EIF3E: variants seen among roughly 807,000 people sequenced by gnomAD.
EIF3E encodes the protein eIF-3 p48.
EIF3E carries 25 observed loss-of-function variants against 59.3 expected under a neutral mutation model. The observed-to-expected ratio is 0.42, with a 90% CI of 0.31 to 0.59. The LOEUF (loss-of-function observed/expected upper bound fraction) is 0.59, where lower values mean the gene tolerates loss of function less well. EIF3E is among the 20% of genes least tolerant of loss of function. The pLI, the probability that EIF3E is intolerant of heterozygous loss-of-function variation, is 0.15. For missense variants in EIF3E, 317 were observed against 534.3 expected, an observed-to-expected ratio of 0.59 and a Z score of 4.01; for synonymous variants, 176 against 170.2, an observed-to-expected ratio of 1.03 and a Z score of -0.26.
At position 108,246,727 on chromosome 8, in the gene EIF3E, ACTC is replaced by A. The variant is rs528738549; in HGVS notation, c.90+1883_90+1885del. 2.6e-5 allele frequency among the ~76,000 whole-genome samples: 4 copies of A among 151,198 alleles called. No homozygotes were observed. In the East Asian group the frequency reaches 7.8e-4, roughly 30 times the overall value. ...AACAGCAAGACCAACCCCTCCTTTT[ACTC>A]CTCCTCCTCAGCCTACTCAATATGA... is the stretch of plus-strand genomic sequence containing the variant. On this transcript the variant is annotated intron_variant, in intron 1 of 12. Transcript: ENST00000220849.
chr8:108,241,295 G>A (rs10108923), intron 2 of EIF3E, among the ~76,000 whole-genome samples: 7,273 of 152,066 alleles, frequency 0.048, 328 homozygotes, highest in African/African-American at 0.12. Flanking sequence ...AAACTTAAGA[G>A]GACCACTTAA....
In EIF3E at chr8:108,217,454, A is replaced by T. The variant is rs1231540208; in HGVS notation, c.729T>A (p.Leu243=). 1 of 1,590,494 alleles carries T rather than the reference A, an allele frequency of 6.3e-7. No homozygotes were observed. The highest frequency in any genetic ancestry group is 1.8e-5 in the Admixed American group (1 of 56,840). The change falls in exon 8 of 13, where the codon CTT becomes CTA. Residue 243 remains leucine (L), a synonymous_variant. Coordinates refer to ENST00000220849, the MANE Select transcript of EIF3E (RefSeq NM_001568.3). ...IDLFLYQPQY[L]NAIQTMCPHI... ...GTGGACACATTGTCTGAATTGCATT[A>T]AGATATCTAAGAAAAAATATAAAAG...
chr8:108,240,160 G>A (rs1390853985), intron 2 of EIF3E, 85 bp from the exon 3 acceptor site: 4 of 1,104,918 alleles, frequency 3.6e-6, no homozygotes, highest in Non-Finnish European at 4.2e-6. Context: ...AAATTTTTCA[G>A]TGTATTTAAA....
At chr8:108,205,417 C>G (rs1343321188) in intron 10 of EIF3E, among the ~76,000 whole-genome samples, 2 of 152,170 alleles carry the variant, frequency 1.3e-5, no homozygotes, top group Admixed American at 1.3e-4. Context: ...AGTTTTCTAA[C>G]TACTTTACCT....
intron 7 of EIF3E, among the ~76,000 whole-genome samples, chr8:108,220,671 T>C (rs1375043690): frequency 6.6e-6 from 1 of 152,168 alleles, no homozygotes; most frequent in Non-Finnish European, 1.5e-5. Flanking sequence ...TGATAACGGG[T>C]TGGGGGCACT....
chr8:108,236,152 AAC>A lies in EIF3E; in HGVS notation c.366+7_366+8del, dbSNP rs768635535. ...CATGACAACTTTAAAATATTTTTAA[AAC>A]ACTTACACCATGCTTGTCCGCCAGG... On this transcript the variant is annotated splice_region_variant and intron_variant, in intron 4 of 12. Transcript: ENST00000220849. 1.9e-6 allele frequency: 3 copies of A among 1,603,744 alleles called. No individual in the cohort carries two copies. The Admixed American group carries it at 5.1e-5, about 27-fold the overall frequency.
Position 108,240,029 on chromosome 8 carries a change from A to G in EIF3E, c.252T>C (p.Leu84=), listed in dbSNP as rs1253258749. ...TCACAATTGGTTCTGTTTCTGCCTG[A>G]AGCTGTTTCAGTTGTGCAACCACTG... ...RTTVVAQLKQ[L]QAETEPIVKM... The change falls in exon 3 of 13, where the codon CTT becomes CTC. Residue 84 remains leucine (L), a synonymous_variant. Transcript: ENST00000220849. The G allele has an allele frequency of 1.7e-5, 28 of 1,614,078 alleles. No homozygotes were observed. The highest frequency in any genetic ancestry group is 2.4e-5 in the Non-Finnish European group (28 of 1,179,998).
At chr8:108,207,955 T>C (rs1399988872) in intron 10 of EIF3E, among the ~76,000 whole-genome samples, 1 of 152,046 alleles carries the variant, frequency 6.6e-6, no homozygotes, top group East Asian at 1.9e-4. Flanking sequence ...TTTAGGGAAA[T>C]ATTTTTTTGT....
Position 108,247,359 on chromosome 8 carries a change from T to G in EIF3E, c.90+1254A>C, listed in dbSNP as rs544167738. On this transcript the variant is annotated intron_variant, in intron 1 of 12. Coordinates refer to ENST00000220849, the MANE Select transcript of EIF3E (RefSeq NM_001568.3). ...TTTTACTAGATCTTTTGTCCTCACT[T>G]TTCCAGAAAAGAAAACAATGCAGAT... Among the ~76,000 whole-genome samples the G allele has an allele frequency of 2.6e-5, 4 of 152,306 alleles. No homozygotes were observed. The South Asian group carries it at 8.3e-4, about 32-fold the overall frequency.
At chr8:108,241,774 T>C (rs667742) in intron 2 of EIF3E, 25 bp downstream of exon 2, 805,240 of 1,406,408 alleles carry the variant, frequency 0.57, 231,830 homozygotes, top group African/African-American at 0.6. Context: ...ACAAGACAAG[T>C]TTCAGTTCTA....
chr8:108,214,771 C>T (rs1351943506), intron 9 of EIF3E, 55 bp from the exon 10 acceptor site: 13 of 1,451,974 alleles, frequency 9.0e-6, no homozygotes, highest in South Asian at 4.9e-5. Flanking sequence ...TTGCCTGAAA[C>T]GTGAATCAAA....
chr8:108,212,203 G>A (rs770133675), intron 10 of EIF3E, among the ~76,000 whole-genome samples: 18 of 152,144 alleles, frequency 1.2e-4, no homozygotes, highest in Non-Finnish European at 2.5e-4. Flanking sequence ...AGATAGGCAC[G>A]GTGAATGGGC....
chr8:108,236,043 T>A (rs886125133), intron 4 of EIF3E, 118 bp downstream of exon 4: 8 of 760,234 alleles, frequency 1.1e-5, no homozygotes, highest in African/African-American at 9.2e-5. Context: ...ATTTTATAAT[T>A]AATAAATTAA....
chr8:108,210,944 G>A (rs1382340173), intron 10 of EIF3E, among the ~76,000 whole-genome samples: 3 of 152,188 alleles, frequency 2.0e-5, no homozygotes, highest in African/African-American at 7.2e-5. Context: ...TTTTATGGCT[G>A]CATAGTATTC....
At position 108,235,023 on chromosome 8, in the gene EIF3E, T is replaced by G. The variant is rs1402988333; in HGVS notation, c.446A>C (p.Glu149Ala). Reference protein sequence around the residue: ...YECGNYSGAAEYLYFFRVLVP... With the variant: ...YECGNYSGAAAYLYFFRVLVP... ...CAGCACTCTAAAAAAATAAAGATAT[T>G]CTGCTGCTCCTGAGTAATTCCCACA... is the stretch of plus-strand genomic sequence containing the variant. Residue 149 changes from glutamate (E) to alanine (A), a missense_variant, in exon 5 of 13, where the codon GAA becomes GCA. This residue lies in a region of EIF3E where 242 missense variants were observed against 398.0 expected (regional missense o/e 0.61). Transcript: ENST00000220849. 6.2e-7 allele frequency: 1 copy of G among 1,601,584 alleles called. No homozygotes were observed. The highest frequency in any genetic ancestry group is 8.5e-7 in the Non-Finnish European group (1 of 1,174,924).
At chr8:108,209,593 C>A (rs1181538972) in intron 10 of EIF3E, among the ~76,000 whole-genome samples, 2 of 152,024 alleles carry the variant, frequency 1.3e-5, no homozygotes, top group Non-Finnish European at 2.9e-5. Context: ...TACTTTCTAC[C>A]CCGTGTTTGG....
chr8:108,207,437 C>A (rs1388208797), intron 10 of EIF3E, among the ~76,000 whole-genome samples: 1 of 152,044 alleles, frequency 6.6e-6, no homozygotes, highest in Non-Finnish European at 1.5e-5. Context: ...GAAATAAAAC[C>A]AATTTTAAAA....
intron 10 of EIF3E, 134 bp from the exon 11 acceptor site, chr8:108,203,637 C>A: frequency 3.0e-6 from 2 of 676,598 alleles, no homozygotes; most frequent in Admixed American, 2.4e-5. Context: ...TATACCATGA[C>A]CCCTACTGTC....
rs754264794 is a variant in EIF3E, at chr8:108,239,929, T to C, written c.323+29A>G. ...TTGTATTAATCCAGAAAGGAGAATTTTTAGAATTCAAAATTAAGACGAGTT... is the reference window on the plus strand; with the variant it reads ...TTGTATTAATCCAGAAAGGAGAATTCTTAGAATTCAAAATTAAGACGAGTT... On this transcript the variant is annotated intron_variant, in intron 3 of 12. Transcript: ENST00000220849. 2.6e-6 allele frequency: 4 copies of C among 1,544,302 alleles called. No homozygotes were observed. In the Admixed American group the frequency reaches 5.0e-5, roughly 19 times the overall value.
Sources: gnomAD v4.1 joint callset for allele counts (sites outside exome capture counted in the v4.1 genomes callset) on GRCh38, gnomAD v4.1.1 for gene constraint, gnomAD v4.1.1 regional missense constraint, MANE v1.5 for transcripts, NCBI Gene and HGNC (gene_info 2026-07-23, HGNC 2026-07-21) for gene names.